Variants in BLTP1 observed in about 807,000 individuals in gnomAD.
BLTP1 encodes the protein fragile site-associated protein.
At chr4:122,272,332 T>C in the BLTP1 span, 1 of 1,613,240 alleles carries the variant, frequency 6.2e-7, no homozygotes, top group East Asian at 2.2e-5. Flanking sequence ...TAGAGGCAGA[T>C]ATTGGTGGAC....
At chr4:122,245,075 G>C in the BLTP1 span, 6 of 1,612,130 alleles carry the variant, frequency 3.7e-6, no homozygotes, top group Non-Finnish European at 5.1e-6. Flanking sequence ...TGCAATTGTA[G>C]ATGATCTTCA....
the BLTP1 span, chr4:122,247,928 A>G: frequency 2.0e-6 from 2 of 984,702 alleles, no homozygotes; most frequent in Non-Finnish European, 2.4e-6. Flanking sequence ...CAGAGATTCA[A>G]TTCAGAAAAA....
the BLTP1 span, chr4:122,325,815 A>AG: frequency 3.8e-6 from 3 of 797,650 alleles, no homozygotes; most frequent in Non-Finnish European, 3.4e-6. Flanking sequence ...ATTTTTCATG[A>AG]GTTTTTTTTT....
the BLTP1 span, among the ~76,000 whole-genome samples, chr4:122,163,610 G>A: frequency 6.6e-6 from 1 of 152,180 alleles, no homozygotes. Flanking sequence ...TCTATGATGT[G>A]CCAGAAGTTC....
the BLTP1 span, chr4:122,344,298 T>C: frequency 1.6e-5 from 22 of 1,383,286 alleles, no homozygotes; most frequent in Non-Finnish European, 2.1e-5. Context: ...TACAGTATAT[T>C]AGATAATTTT....
the BLTP1 span, chr4:122,193,507 A>AT: frequency 0.015 from 4,530 of 299,604 alleles, 207 homozygotes; most frequent in African/African-American, 0.096. Flanking sequence ...TTATAATGTC[A>AT]TTTTATTTTA....
chr4:122,332,130 T>C, the BLTP1 span, among the ~76,000 whole-genome samples: 3 of 151,944 alleles, frequency 2.0e-5, no homozygotes, highest in South Asian at 6.2e-4. Context: ...GGTGGAGATG[T>C]AGATAAAAAG....
chr4:122,307,219 G>A, the BLTP1 span, among the ~76,000 whole-genome samples: 1 of 152,090 alleles, frequency 6.6e-6, no homozygotes, highest in African/African-American at 2.4e-5. Flanking sequence ...ATAGCCTGAA[G>A]ATAATTTTAT....
chr4:122,357,554 C>T, the BLTP1 span, among the ~76,000 whole-genome samples: 1 of 141,082 alleles, frequency 7.1e-6, no homozygotes, highest in South Asian at 2.2e-4. Flanking sequence ...GCCTGGGTGA[C>T]AGAGATCCTG....
chr4:122,167,912 A>T, the BLTP1 span: 1 of 984,908 alleles, frequency 1.0e-6, no homozygotes, highest in East Asian at 1.1e-4. Flanking sequence ...CTCCATGAAG[A>T]TTTTGCAATA....
At chr4:122,222,997 T>G in the BLTP1 span, 1 of 946,758 alleles carries the variant, frequency 1.1e-6, no homozygotes, top group Non-Finnish European at 1.3e-6. Flanking sequence ...TCATAAAAAT[T>G]TTATACTGAG....
chr4:122,248,152 A>G, the BLTP1 span: 1 of 982,200 alleles, frequency 1.0e-6, no homozygotes, highest in Non-Finnish European at 1.2e-6. Context: ...GTGAGGCTGA[A>G]AGCATTTGAC....
the BLTP1 span, chr4:122,298,892 T>C: frequency 1.1e-5 from 11 of 985,084 alleles, no homozygotes; most frequent in Non-Finnish European, 1.2e-5. Context: ...GAGATAAGAA[T>C]TGTGGGAGTA....
the BLTP1 span, chr4:122,185,478 A>T: frequency 3.2e-6 from 3 of 932,828 alleles, no homozygotes; most frequent in Non-Finnish European, 3.8e-6. Context: ...CTTTAAATGG[A>T]TTCATTAATT....
the BLTP1 span, chr4:122,328,618 A>G: frequency 1.0e-6 from 1 of 977,298 alleles, no homozygotes; most frequent in Non-Finnish European, 1.2e-6. Context: ...AATAAAATGG[A>G]AATAAAGATG....
chr4:122,250,574 G>A, the BLTP1 span: 2 of 1,612,728 alleles, frequency 1.2e-6, no homozygotes, highest in Non-Finnish European at 1.7e-6. Context: ...AGATGAACAG[G>A]TTAGTGACTT....
chr4:122,216,556 ATCT>A, the BLTP1 span, among the ~76,000 whole-genome samples: 2 of 152,068 alleles, frequency 1.3e-5, no homozygotes, highest in Non-Finnish European at 2.9e-5. Flanking sequence ...CCATTTGTAT[ATCT>A]TCTTTTGAGA....
At chr4:122,166,394 C>T in the BLTP1 span, among the ~76,000 whole-genome samples, 1 of 152,132 alleles carries the variant, frequency 6.6e-6, no homozygotes, top group East Asian at 1.9e-4. Context: ...AGATATGCGG[C>T]ACTATTTCTG....
the BLTP1 span, chr4:122,255,027 A>G: frequency 6.7e-7 from 1 of 1,494,444 alleles, no homozygotes; most frequent in Non-Finnish European, 9.1e-7. Context: ...GTTAATCATT[A>G]TTGGAAAATA....
Sources: allele counts gnomAD v4.1 joint callset (sites outside exome capture counted in the v4.1 genomes callset), GRCh38; gene constraint gnomAD v4.1.1; transcripts MANE v1.5; gene names NCBI Gene and HGNC (gene_info 2026-07-23, HGNC 2026-07-21).